The following NRG1 variants were observed in gnomAD, a reference collection of about 807,000 sequenced individuals.
NRG1 encodes pro-neuregulin-1, membrane-bound isoform.
A neutral mutation model predicts 63.8 loss-of-function variants in NRG1; 18 were observed. The observed-to-expected ratio is 0.28, with a 90% CI of 0.19 to 0.42. NRG1 has a LOEUF of 0.42. Among genes scored for constraint, NRG1 ranks in the 10% least tolerant of loss-of-function variants. The pLI, the probability that NRG1 is intolerant of heterozygous loss-of-function variation, is 1.00. For synonymous variants in NRG1, 302 were observed against 301.3 expected, an observed-to-expected ratio of 1.00 and a Z score of -0.02; for missense variants, 762 against 814.7, an observed-to-expected ratio of 0.94 and a Z score of 0.79.
intron 1 of NRG1, among the ~76,000 whole-genome samples, chr8:32,518,494 A>G (rs4733347): frequency 0.77 from 116,310 of 152,028 alleles, 44,683 homozygotes; most frequent in East Asian, 0.88. Context: ...GGAGTTCCCC[A>G]TTCCTGCTGC....
intron 1 of NRG1, among the ~76,000 whole-genome samples, chr8:32,463,687 A>T (rs1356233136): frequency 1.3e-5 from 2 of 151,624 alleles, no homozygotes; most frequent in African/African-American, 4.8e-5. Context: ...CTAAAAAATA[A>T]AATATTAGCC....
intron 1 of NRG1, among the ~76,000 whole-genome samples, chr8:31,779,208 T>C (rs1267566740): frequency 1.3e-5 from 2 of 152,158 alleles, no homozygotes; most frequent in Non-Finnish European, 2.9e-5. Context: ...CTTCTCAAGG[T>C]TATGATTGAG....
At chr8:32,275,057 G>T (rs1267424347) in intron 1 of NRG1, among the ~76,000 whole-genome samples, 1 of 152,042 alleles carries the variant, frequency 6.6e-6, no homozygotes, top group East Asian at 1.9e-4. Flanking sequence ...CCAGATGCTT[G>T]CATTTGGCCA....
chr8:31,732,861 C>G (rs1229743485), intron 1 of NRG1, among the ~76,000 whole-genome samples: 1 of 152,134 alleles, frequency 6.6e-6, no homozygotes, highest in Non-Finnish European at 1.5e-5. Flanking sequence ...CACCAGGCCA[C>G]TGCACTCAAG....
chr8:32,490,712 C>T (rs951256815), intron 1 of NRG1, among the ~76,000 whole-genome samples: 1 of 152,122 alleles, frequency 6.6e-6, no homozygotes, highest in African/African-American at 2.4e-5. Context: ...AATGTTAACA[C>T]CCTTTTTGTG....
At chr8:31,803,407 T>A (rs1285230688) in intron 1 of NRG1, among the ~76,000 whole-genome samples, 2 of 152,228 alleles carry the variant, frequency 1.3e-5, no homozygotes, top group Non-Finnish European at 2.9e-5. Flanking sequence ...TGTTTTCTAT[T>A]CACCTTCCTA....
chr8:31,932,161 G>A (rs367925), intron 1 of NRG1, among the ~76,000 whole-genome samples: 136,907 of 151,510 alleles, frequency 0.9, 62,631 homozygotes, highest in African/African-American at 0.98. Context: ...CTGCTCATTA[G>A]AGCTTACCAA....
intron 1 of NRG1, among the ~76,000 whole-genome samples, chr8:32,040,412 G>T (rs1819753727): frequency 6.6e-6 from 1 of 152,064 alleles, no homozygotes; most frequent in Admixed American, 6.6e-5. Flanking sequence ...GCCAACTCAT[G>T]ACTTAGTTAA....
chr8:31,886,002 G>A (rs1171142272), intron 1 of NRG1, among the ~76,000 whole-genome samples: 1 of 152,010 alleles, frequency 6.6e-6, no homozygotes, highest in African/African-American at 2.4e-5. Flanking sequence ...AGAAACAAAT[G>A]TATTTGTTTT....
chr8:32,231,122 A>G (rs1056171872), intron 1 of NRG1, among the ~76,000 whole-genome samples: 1 of 152,144 alleles, frequency 6.6e-6, no homozygotes, highest in African/African-American at 2.4e-5. Flanking sequence ...GGTCAGAAGA[A>G]GCAAAGGAAA....
intron 3 of NRG1, 46 bp from the exon 4 acceptor site, chr8:32,614,468 G>T: frequency 1.3e-6 from 2 of 1,589,866 alleles, no homozygotes; most frequent in Non-Finnish European, 1.7e-6. Flanking sequence ...CCTGCTCCCG[G>T]CCTCCTGTTT....
At chr8:32,467,736 G>A (rs185073042) in intron 1 of NRG1, among the ~76,000 whole-genome samples, 1 of 152,160 alleles carries the variant, frequency 6.6e-6, no homozygotes, top group Non-Finnish European at 1.5e-5. Context: ...AGAACCACAG[G>A]AGAGAAACAG....
intron 5 of NRG1, among the ~76,000 whole-genome samples, chr8:32,683,887 G>GAA (rs1216006912): frequency 7.8e-5 from 11 of 141,784 alleles, no homozygotes; most frequent in Non-Finnish European, 1.2e-4. Context: ...TTTGCTTCTT[G>GAA]AAAAAAAAAA....
chr8:32,201,357 C>T (rs1217390824), intron 1 of NRG1, among the ~76,000 whole-genome samples: 3 of 152,056 alleles, frequency 2.0e-5, no homozygotes, highest in Non-Finnish European at 4.4e-5. Flanking sequence ...CAATAGGTGC[C>T]GGACTCTGCA....
chr8:32,707,600 A>C (rs1816750942), intron 5 of NRG1, among the ~76,000 whole-genome samples: 1 of 152,206 alleles, frequency 6.6e-6, no homozygotes, highest in Non-Finnish European at 1.5e-5. Flanking sequence ...CAATAAGTCA[A>C]CTTGGAATTT....
At chr8:32,136,253 G>T (rs557134771) in intron 1 of NRG1, among the ~76,000 whole-genome samples, 1 of 152,128 alleles carries the variant, frequency 6.6e-6, no homozygotes, top group East Asian at 1.9e-4. Flanking sequence ...TTCCTTAAGC[G>T]CATGGTTCCT....
intron 5 of NRG1, among the ~76,000 whole-genome samples, chr8:32,722,448 GA>G (rs1268817215): frequency 6.6e-6 from 1 of 151,954 alleles, no homozygotes; most frequent in Non-Finnish European, 1.5e-5. Flanking sequence ...GTCTTGAGAA[GA>G]AAAAAACCTA....
chr8:31,746,458 A>C (rs1815873766), intron 1 of NRG1, among the ~76,000 whole-genome samples: 1 of 152,016 alleles, frequency 6.6e-6, no homozygotes, highest in Admixed American at 6.6e-5. Context: ...CACTGTGCTT[A>C]GATGCTGAAC....
intron 1 of NRG1, among the ~76,000 whole-genome samples, chr8:32,079,322 C>T (rs1399262329): frequency 6.6e-6 from 1 of 152,022 alleles, no homozygotes; most frequent in Admixed American, 6.6e-5. Context: ...ATTTTCTTTA[C>T]AGGTGGGAAT....
Sources: gnomAD v4.1 joint callset for allele counts (sites outside exome capture counted in the v4.1 genomes callset) on GRCh38, gnomAD v4.1.1 for gene constraint, MANE v1.5 for transcripts, NCBI Gene and HGNC (gene_info 2026-07-23, HGNC 2026-07-21) for gene names.